MAPK10: variants seen among roughly 807,000 people sequenced by gnomAD.
MAPK10 encodes the protein JNK3 alpha protein kinase.
A neutral mutation model predicts 59.3 loss-of-function variants in MAPK10; 25 were observed. That is an observed-to-expected ratio of 0.42 (90% CI 0.31 to 0.59). The LOEUF is 0.59. Among genes scored for constraint, MAPK10 ranks in the 20% least tolerant of loss-of-function variants. MAPK10 has a pLI of 0.15. For synonymous variants in MAPK10, 190 were observed against 200.5 expected (o/e 0.95, Z 0.44); for missense variants, 351 against 568.9 (o/e 0.62, Z 3.90).
At chr4:86,370,260 A>G (rs1287441039) in intron 1 of MAPK10, among the ~76,000 whole-genome samples, 1 of 152,206 alleles carries the variant, frequency 6.6e-6, no homozygotes, top group Non-Finnish European at 1.5e-5. Context: ...CTGCCAGTCT[A>G]CACCTGAGAT....
chr4:86,275,673 C>T (rs895729745), intron 2 of MAPK10, among the ~76,000 whole-genome samples: 1 of 152,018 alleles, frequency 6.6e-6, no homozygotes, highest in African/African-American at 2.4e-5. Context: ...TTTGCTCCAA[C>T]CTACTACCAC....
chr4:86,019,495 C>G (rs968874377), intron 13 of MAPK10, among the ~76,000 whole-genome samples: 4 of 152,146 alleles, frequency 2.6e-5, no homozygotes, highest in Non-Finnish European at 5.9e-5. Flanking sequence ...TTAATTATAT[C>G]CCCCATAGCT....
chr4:86,056,184 C>T (rs2044514849), intron 11 of MAPK10, among the ~76,000 whole-genome samples: 1 of 149,956 alleles, frequency 6.7e-6, no homozygotes, highest in Admixed American at 6.6e-5. Flanking sequence ...TCATGTCTTC[C>T]AGATACTTCA....
chr4:86,584,386 G>A (rs1347138392), intron 1 of MAPK10, among the ~76,000 whole-genome samples: 1 of 152,210 alleles, frequency 6.6e-6, no homozygotes, highest in East Asian at 1.9e-4. Context: ...GAAGTTTACA[G>A]AGCATATATT....
At chr4:86,462,267 G>A (rs571625196) in intron 1 of MAPK10, among the ~76,000 whole-genome samples, 1 of 152,298 alleles carries the variant, frequency 6.6e-6, no homozygotes, top group Non-Finnish European at 1.5e-5. Context: ...GTACAAAGAG[G>A]AGTCATTGAT....
At chr4:86,331,866 A>G (rs1254855599) in intron 2 of MAPK10, among the ~76,000 whole-genome samples, 1 of 152,156 alleles carries the variant, frequency 6.6e-6, no homozygotes, top group Non-Finnish European at 1.5e-5. Context: ...ATAATTATCT[A>G]CAAGGCCTGT....
At chr4:86,226,956 G>T (rs887492834) in intron 2 of MAPK10, among the ~76,000 whole-genome samples, 2 of 152,054 alleles carry the variant, frequency 1.3e-5, no homozygotes, top group Non-Finnish European at 2.9e-5. Flanking sequence ...AGCTTCACTT[G>T]GTAACATATT....
chr4:86,361,354 A>C (rs1191897953), upstream of MAPK10, among the ~76,000 whole-genome samples: 3 of 152,158 alleles, frequency 2.0e-5, no homozygotes, highest in African/African-American at 4.8e-5. Context: ...AACAAGAATC[A>C]ATCAAGACTA....
At chr4:86,190,909 G>T (rs1242569550) in intron 3 of MAPK10, among the ~76,000 whole-genome samples, 1 of 152,088 alleles carries the variant, frequency 6.6e-6, no homozygotes, top group East Asian at 1.9e-4. Context: ...TCTAACCACT[G>T]CTTTAGCTGT....
chr4:86,482,353 A>T (rs954361234), intron 1 of MAPK10, among the ~76,000 whole-genome samples: 2 of 152,134 alleles, frequency 1.3e-5, no homozygotes, highest in Non-Finnish European at 2.9e-5. Flanking sequence ...ATTTCAAACA[A>T]TAGTCAGTCC....
At chr4:86,389,014 C>G (rs758042743) in intron 1 of MAPK10, among the ~76,000 whole-genome samples, 1 of 152,016 alleles carries the variant, frequency 6.6e-6, no homozygotes, top group Non-Finnish European at 1.5e-5. Context: ...GATTTGTGTC[C>G]CCACGCAAAT....
chr4:86,430,351 C>A (rs755281034), intron 1 of MAPK10, among the ~76,000 whole-genome samples: 1 of 152,148 alleles, frequency 6.6e-6, no homozygotes. Flanking sequence ...GTACTAAAGT[C>A]TTTGTCTACC....
chr4:86,177,486 C>T (rs892099460), intron 3 of MAPK10, among the ~76,000 whole-genome samples: 6 of 151,974 alleles, frequency 3.9e-5, no homozygotes, highest in Admixed American at 6.6e-5. Flanking sequence ...GAAATAGAAA[C>T]ATCATAGACC....
intron 9 of MAPK10, among the ~76,000 whole-genome samples, chr4:86,073,242 C>T (rs1324493601): frequency 7.1e-6 from 1 of 140,224 alleles, no homozygotes; most frequent in African/African-American, 2.6e-5. Context: ...TGGTGATATC[C>T]CCTTTATCAT....
chr4:86,514,629 A>G (rs897531340), intron 1 of MAPK10, among the ~76,000 whole-genome samples: 1 of 152,238 alleles, frequency 6.6e-6, no homozygotes, highest in African/African-American at 2.4e-5. Flanking sequence ...TTACATGTAT[A>G]TTACAGCTTA....
intron 1 of MAPK10, among the ~76,000 whole-genome samples, chr4:86,381,556 A>G (rs1740715526): frequency 6.6e-6 from 1 of 152,174 alleles, no homozygotes; most frequent in Non-Finnish European, 1.5e-5. Flanking sequence ...ACTGCAGGAT[A>G]CTGGAAGGCA....
intron 11 of MAPK10, among the ~76,000 whole-genome samples, chr4:86,047,666 G>A (rs931707793): frequency 1.3e-5 from 2 of 152,148 alleles, no homozygotes; most frequent in Non-Finnish European, 2.9e-5. Context: ...ACGTGCACTT[G>A]TACACGCATG....
intron 2 of MAPK10, among the ~76,000 whole-genome samples, chr4:86,243,196 G>A (rs1434380157): frequency 6.6e-6 from 1 of 151,834 alleles, no homozygotes; most frequent in Non-Finnish European, 1.5e-5. Flanking sequence ...TTTTTTCCAT[G>A]GGAGCCTCCC....
intron 1 of MAPK10, among the ~76,000 whole-genome samples, chr4:86,582,832 A>G (rs1762395336): frequency 6.6e-6 from 1 of 152,174 alleles, no homozygotes; most frequent in African/African-American, 2.4e-5. Context: ...TTGATAATTT[A>G]TATTTTTATC....
Sources: allele counts gnomAD v4.1 joint callset (sites outside exome capture counted in the v4.1 genomes callset), GRCh38; gene constraint gnomAD v4.1.1; transcripts MANE v1.5; gene names NCBI Gene and HGNC (gene_info 2026-07-23, HGNC 2026-07-21).